ADGRE1: variants seen among roughly 807,000 people sequenced by gnomAD.
ADGRE1 encodes EGF-like module receptor 1.
In ADGRE1, 82 loss-of-function variants were observed where a neutral mutation model predicts 102.7. The ratio of observed to expected loss-of-function variants is 0.80; its 90% CI spans 0.67 to 0.96. The LOEUF is 0.96. Ranked by LOEUF, ADGRE1 falls within the 40% of genes least tolerant of loss-of-function variation. The probability of loss-of-function intolerance (pLI) is 0.00; values close to 1 mark genes in which losing one functional copy is unlikely to be tolerated. For missense variants in ADGRE1, 1,032 were observed against 1,085.3 expected (o/e 0.95, Z 0.69); for synonymous variants, 398 against 399.6 (o/e 1.00, Z 0.05).
chr19:6,916,916 T>C (rs2144963611), intron 12 of ADGRE1, among the ~76,000 whole-genome samples: 2 of 152,180 alleles, frequency 1.3e-5, no homozygotes, highest in South Asian at 4.1e-4. Context: ...TTTTTACTTT[T>C]AAAAAATGTG....
intron 14 of ADGRE1, among the ~76,000 whole-genome samples, chr19:6,922,495 G>A (rs2144985755): frequency 6.6e-6 from 1 of 151,856 alleles, no homozygotes; most frequent in South Asian, 2.1e-4. Flanking sequence ...CATGCCTGTT[G>A]TCCCAGCTAC....
rs779413458 is a variant in ADGRE1 at position 6,937,215 on chromosome 19, C to T, written c.2382-28C>T. Reference sequence around the variant, plus strand: ...CAAGGACAATAGCCACCTCCCAGAGCCTTACATGCTGTACATCTTCTCCCC... The same window carrying T: ...CAAGGACAATAGCCACCTCCCAGAGTCTTACATGCTGTACATCTTCTCCCC... On this transcript the variant is annotated intron_variant, in intron 18 of 20. Transcript: ENST00000312053. 2.5e-6 allele frequency: 4 copies of T among 1,601,906 alleles called. No individual in the cohort carries two copies. In the Admixed American group the frequency reaches 5.0e-5, roughly 20 times the overall value.
chr19:6,919,774 T>C, intron 13 of ADGRE1, 27 bp downstream of exon 13: 1 of 1,606,050 alleles, frequency 6.2e-7, no homozygotes, highest in Middle Eastern at 1.7e-4. Context: ...CTACTGAGAT[T>C]CTTGTCTACC....
At chr19:6,935,213 C>T (rs1975352591) in intron 18 of ADGRE1, 135 bp downstream of exon 18, 4 of 474,130 alleles carry the variant, frequency 8.4e-6, no homozygotes, top group South Asian at 1.0e-4. Context: ...CATATCACAC[C>T]ATCTAGATCT....
chr19:6,931,107 A>G (rs1179702584), intron 17 of ADGRE1, among the ~76,000 whole-genome samples: 1 of 148,842 alleles, frequency 6.7e-6, no homozygotes. Flanking sequence ...AGCTTCTGGT[A>G]ACTGCTGTTC....
At chr19:6,892,766 A>T (rs1973427434) in intron 2 of ADGRE1, among the ~76,000 whole-genome samples, 1 of 152,204 alleles carries the variant, frequency 6.6e-6, no homozygotes, top group Admixed American at 6.5e-5. Context: ...TACACAACGG[A>T]TTGCTATTCG....
chr19:6,936,546 T>G (rs1388151335), intron 18 of ADGRE1, among the ~76,000 whole-genome samples: 1 of 151,606 alleles, frequency 6.6e-6, no homozygotes, highest in Non-Finnish European at 1.5e-5. Flanking sequence ...ATTTTAACCA[T>G]TTTAAAGCGT....
At chr19:6,909,505 A>G (rs542096467) in intron 10 of ADGRE1, among the ~76,000 whole-genome samples, 16 of 152,184 alleles carry the variant, frequency 1.1e-4, no homozygotes, top group Non-Finnish European at 2.1e-4. Context: ...TTGACTCAGC[A>G]TAGTGCATTT....
At chr19:6,939,886 A>T in intron 20 of ADGRE1, 138 bp from the exon 21 acceptor site, 1 of 1,038,288 alleles carries the variant, frequency 9.6e-7, no homozygotes, top group South Asian at 1.4e-5. Flanking sequence ...GGACAATCGC[A>T]TTTAACATTT....
chr19:6,930,868 A>G (rs1000718448), intron 17 of ADGRE1, among the ~76,000 whole-genome samples: 1 of 151,838 alleles, frequency 6.6e-6, no homozygotes, highest in Non-Finnish European at 1.5e-5. Context: ...CGAATTCATG[A>G]CCTCAGGTGA....
rs376031317 is a variant in ADGRE1, at chr19:6,913,815, C to A, written c.1285C>A (p.Arg429=). 18 of 1,598,002 alleles carry A rather than the reference C, an allele frequency of 1.1e-5. No individual in the cohort carries two copies. In the African/African-American group the frequency reaches 2.1e-4, roughly 19 times the overall value. The change falls in exon 11 of 21, where the codon CGG becomes AGG. Residue 429 remains arginine, a synonymous_variant. Transcript: ENST00000312053. ...KPSANITPAV[R]TEYLDIESKV... ...CTCAGCAAATATCACTCCGGCTGTT[C>A]GGACGGAATACTTAGGTAGGAGACA... is the stretch of plus-strand genomic sequence containing the variant.
intron 12 of ADGRE1, among the ~76,000 whole-genome samples, chr19:6,917,041 A>G (rs1974413997): frequency 6.6e-6 from 1 of 152,208 alleles, no homozygotes; most frequent in African/African-American, 2.4e-5. Flanking sequence ...TAACTATTTT[A>G]AGCATTGCAA....
chr19:6,918,559 C>T (rs763841444), intron 12 of ADGRE1, among the ~76,000 whole-genome samples: 8 of 152,020 alleles, frequency 5.3e-5, no homozygotes, highest in African/African-American at 1.4e-4. Context: ...CGGCATAGGA[C>T]GTATCCCTGG....
At chr19:6,912,104 G>A (rs1004143830) in intron 10 of ADGRE1, among the ~76,000 whole-genome samples, 8 of 149,646 alleles carry the variant, frequency 5.3e-5, no homozygotes, top group African/African-American at 1.0e-4. Context: ...ATACACACAC[G>A]TATACATACA....
At chr19:6,910,821 C>T (rs140219613) in intron 10 of ADGRE1, among the ~76,000 whole-genome samples, 8,398 of 152,102 alleles carry the variant, frequency 0.055, 271 homozygotes, top group African/African-American at 0.093. Flanking sequence ...GATCCACCCA[C>T]CTCAGCCTCC....
chr19:6,890,402 T>C, intron 1 of ADGRE1, 79 bp from the exon 2 acceptor site: 1 of 1,383,122 alleles, frequency 7.2e-7, no homozygotes, highest in South Asian at 1.4e-5. Context: ...GGAGTAATTT[T>C]GCAGGTTGAG....
chr19:6,935,673 T>C (rs927687686), intron 18 of ADGRE1, among the ~76,000 whole-genome samples: 1 of 152,190 alleles, frequency 6.6e-6, no homozygotes, highest in Non-Finnish European at 1.5e-5. Context: ...TGAGCACCCT[T>C]GTAGGTAAAT....
At chr19:6,929,554 ACT>A (rs1215666336) in intron 17 of ADGRE1, among the ~76,000 whole-genome samples, 1 of 151,092 alleles carries the variant, frequency 6.6e-6, no homozygotes, top group East Asian at 1.9e-4. Context: ...ACGGAGTCTC[ACT>A]CTGTCACCCA....
chr19:6,931,070 C>T (rs1397069065), intron 17 of ADGRE1, among the ~76,000 whole-genome samples: 2 of 151,638 alleles, frequency 1.3e-5, no homozygotes, highest in African/African-American at 4.8e-5. Context: ...TTCCCTGTTC[C>T]CCACCCACCC....
Sources: allele counts gnomAD v4.1 joint callset (sites outside exome capture counted in the v4.1 genomes callset), GRCh38; gene constraint gnomAD v4.1.1; transcripts MANE v1.5; gene names NCBI Gene and HGNC (gene_info 2026-07-23, HGNC 2026-07-21).